CUBN: variants seen among roughly 807,000 people sequenced by gnomAD.
CUBN encodes cubilin, also known as 460 kDa receptor.
Under a neutral mutation model 405.3 loss-of-function variants are expected in CUBN, and 282 were observed. The observed-to-expected ratio is 0.70, with a 90% confidence interval of 0.63 to 0.77. The LOEUF is 0.77. CUBN is among the 30% of genes least tolerant of loss of function. CUBN has a pLI of 0.00. For synonymous variants in CUBN, 1,684 were observed against 1,617.0 expected (o/e 1.04, Z -0.99); for missense variants, 4,514 against 4,475.2 (o/e 1.01, Z -0.25).
intron 7 of CUBN, 37 bp from the exon 8 acceptor site, chr10:17,114,226 T>C (rs1323094998): frequency 6.2e-7 from 1 of 1,606,942 alleles, no homozygotes. Flanking sequence ...AAGACAATCA[T>C]GAAAATCAGC....
chr10:16,918,837 T>C, intron 44 of CUBN, 37 bp from the exon 45 acceptor site: 1 of 1,570,866 alleles, frequency 6.4e-7, no homozygotes, highest in East Asian at 2.3e-5. Context: ...ATTTACATGG[T>C]CAGATGCTTA....
At chr10:17,071,266 T>C (rs1466708335) in intron 19 of CUBN, among the ~76,000 whole-genome samples, 160 bp downstream of exon 19, 1 of 152,234 alleles carries the variant, frequency 6.6e-6, no homozygotes, top group Non-Finnish European at 1.5e-5. Flanking sequence ...CTAGATTCAC[T>C]GAACCAGTAT....
At chr10:17,126,878 T>C in intron 3 of CUBN, 79 bp from the exon 4 acceptor site, 1 of 1,430,420 alleles carries the variant, frequency 7.0e-7, no homozygotes, top group Non-Finnish European at 9.9e-7. Flanking sequence ...TGACATATTG[T>C]CCTAATGCCC....
At chr10:17,042,687 T>C (rs1006650708) in intron 26 of CUBN, among the ~76,000 whole-genome samples, 1 of 152,194 alleles carries the variant, frequency 6.6e-6, no homozygotes, top group East Asian at 1.9e-4. Flanking sequence ...GATACATTTC[T>C]GAAGAACAAA....
chr10:17,045,329 T>C (rs946407065), intron 24 of CUBN, 141 bp from the exon 25 acceptor site: 29 of 811,276 alleles, frequency 3.6e-5, no homozygotes, highest in Middle Eastern at 3.6e-4. Context: ...AGAGTAGTTA[T>C]AGCCTAAAAA....
chr10:17,037,991 TGCAATGGTGCGATCCCA>T (rs905402882), intron 27 of CUBN, among the ~76,000 whole-genome samples: 2 of 150,594 alleles, frequency 1.3e-5, no homozygotes, highest in African/African-American at 4.9e-5. Context: ...CAGGCTGGAA[TGCAATGGTGCGATCCCA>T]GCTCACTGCA....
chr10:16,979,321 T>C (rs186086844), intron 31 of CUBN, among the ~76,000 whole-genome samples: 1 of 152,208 alleles, frequency 6.6e-6, no homozygotes, highest in Admixed American at 6.5e-5. Context: ...TTGACTTTCT[T>C]CACGGAATTA....
chr10:16,954,623 A>G (rs1201900408), intron 31 of CUBN, 75 bp from the exon 32 acceptor site: 1 of 1,461,020 alleles, frequency 6.8e-7, no homozygotes, highest in Non-Finnish European at 9.5e-7. Context: ...AACTGTCTGC[A>G]CGCCGATATA....
At chr10:17,102,252 CCTATTTATTTAT>C (rs778908694) in intron 13 of CUBN, among the ~76,000 whole-genome samples, 14,216 of 145,032 alleles carry the variant, frequency 0.098, 975 homozygotes, top group Non-Finnish European at 0.15. Context: ...GGAGGATCCT[CCTATTTATTTAT>C]TTATTTATTT....
intron 17 of CUBN, among the ~76,000 whole-genome samples, chr10:17,073,441 GC>G (rs1363858395): frequency 2.4e-5 from 3 of 124,814 alleles, no homozygotes; most frequent in Admixed American, 9.9e-5. Context: ...TCAATAACCA[GC>G]TCTTTTTTTT....
chr10:16,856,095 A>T (rs1319156113), intron 59 of CUBN, among the ~76,000 whole-genome samples: 1 of 152,228 alleles, frequency 6.6e-6, no homozygotes. Context: ...ACTATGCAAT[A>T]GAGTCCCACG....
chr10:17,104,597 G>T lies in CUBN; in HGVS notation c.1239C>A (p.Val413=). ...PCLNGQCIDT[V]SGYFCKCDSG... The stretch of plus-strand genomic sequence containing the variant: ...AGTCACACTTACAAAAATAACCAGA[G>T]ACAGTGTCCTAAGGGGAAAAAAAAC... Residue 413 remains valine, a synonymous_variant, in exon 12 of 67, where the codon GTC becomes GTA. Transcript: ENST00000377833. The T allele has an allele frequency of 2.5e-6, 4 of 1,612,852 alleles. No individual in the cohort carries two copies. Among genetic ancestry groups the T allele is most frequent in the Non-Finnish European group, 3.4e-6 (4 of 1,179,510 alleles).
At chr10:16,972,610 T>A (rs1350146752) in intron 31 of CUBN, among the ~76,000 whole-genome samples, 2 of 152,062 alleles carry the variant, frequency 1.3e-5, no homozygotes, top group African/African-American at 2.4e-5. Flanking sequence ...GCTAATTTTT[T>A]AATTTTTTTG....
intron 6 of CUBN, among the ~76,000 whole-genome samples, chr10:17,120,319 A>G (rs1349946692): frequency 1.3e-5 from 2 of 152,210 alleles, no homozygotes; most frequent in South Asian, 2.1e-4. Flanking sequence ...AGTCTCTAAC[A>G]TATGCCTGAA....
chr10:17,127,880 T>C lies in CUBN; in HGVS notation c.297A>G (p.Ala99=). 1 of 1,613,012 alleles carries C rather than the reference T, an allele frequency of 6.2e-7. No homozygotes were observed. The highest frequency in any genetic ancestry group is 1.3e-5 in the African/African-American group (1 of 75,030). Residue 99 remains alanine (A), a synonymous_variant, in exon 3 of 67, where the codon GCA becomes GCG. Coordinates refer to ENST00000377833, the MANE Select transcript of CUBN (RefSeq NM_001081.4). ...TAGATATATTTTGAGGCAGACCAAT[T>C]GCACTCCCTTTTAACTCTATAATAT... ...KEDIIELKGS[A]IGLPQNISSQ...
intron 31 of CUBN, among the ~76,000 whole-genome samples, chr10:16,955,664 C>G (rs1183668070): frequency 1.3e-5 from 2 of 152,174 alleles, no homozygotes; most frequent in East Asian, 3.9e-4. Context: ...AACTCCCATT[C>G]ATTAGTGCTT....
chr10:16,932,957 C>A, intron 40 of CUBN, 130 bp downstream of exon 40: 2 of 892,824 alleles, frequency 2.2e-6, no homozygotes, highest in South Asian at 2.8e-5. Context: ...GGTACTGATG[C>A]CTTCCTTGAC....
intron 47 of CUBN, among the ~76,000 whole-genome samples, chr10:16,914,266 T>C (rs963696413): frequency 6.6e-6 from 1 of 152,064 alleles, no homozygotes; most frequent in African/African-American, 2.4e-5. Flanking sequence ...TGTAATGAAC[T>C]TAAGAATCAG....
chr10:16,840,794 T>A lies in CUBN; in HGVS notation c.9826+91A>T, dbSNP rs190701912. Reference sequence around the variant, plus strand: ...TTGACATTGAGTTTAGTAATTAACATTGAAATTTCGATATAATAAGCAGGG... The same window carrying A: ...TTGACATTGAGTTTAGTAATTAACAATGAAATTTCGATATAATAAGCAGGG... On this transcript the variant is annotated intron_variant, in intron 61 of 66. Transcript: ENST00000377833. 11 of 1,169,840 alleles carry A rather than the reference T, an allele frequency of 9.4e-6. No homozygotes were observed. In the East Asian group the frequency reaches 2.3e-4, roughly 25 times the overall value. The allele number at this position is 1,169,840 out of a possible 1,614,324, so 72.5% of individuals were successfully genotyped here. A position where few individuals can be genotyped will look rare whatever the true frequency, so the allele number is the denominator to read the frequency against.
Sources: gnomAD v4.1 joint callset for allele counts (sites outside exome capture counted in the v4.1 genomes callset) on GRCh38, gnomAD v4.1.1 for gene constraint, MANE v1.5 for transcripts, NCBI Gene and HGNC (gene_info 2026-07-23, HGNC 2026-07-21) for gene names.